The following EXPH5 variants were observed in gnomAD, a reference collection of about 807,000 sequenced individuals.
The protein encoded by EXPH5 is exophilin-5.
Under a neutral mutation model 41.1 loss-of-function variants are expected in EXPH5, and 42 were observed. The observed-to-expected ratio is 1.02, with a 90% CI of 0.80 to 1.32. The LOEUF is 1.32. EXPH5 is among the 40% of genes most tolerant of loss of function. EXPH5 has a pLI of 0.00. For synonymous variants in EXPH5, 798 were observed against 833.5 expected (o/e 0.96, Z 0.73); for missense variants, 2,298 against 2,314.5 (o/e 0.99, Z 0.15).
intron 3 of EXPH5, among the ~76,000 whole-genome samples, chr11:108,534,605 T>C (rs1322614767): frequency 6.6e-6 from 1 of 152,216 alleles, no homozygotes; most frequent in Non-Finnish European, 1.5e-5. Flanking sequence ...TTATTTGTTT[T>C]TCAAAAATTA....
chr11:108,587,492 T>C (rs2094116732), intron 1 of EXPH5, among the ~76,000 whole-genome samples: 1 of 152,170 alleles, frequency 6.6e-6, no homozygotes, highest in Non-Finnish European at 1.5e-5. Context: ...ATCCCTGAAA[T>C]AATCCTTGAC....
rs542108290 is a variant in EXPH5 at position 108,511,194 on chromosome 11, G to A, written c.4313C>T (p.Ser1438Phe). 1 of 1,613,156 alleles carries A rather than the reference G, an allele frequency of 6.2e-7. No individual in the cohort carries two copies. Among genetic ancestry groups the A allele is most frequent in the Admixed American group, 1.7e-5 (1 of 59,764 alleles). ...CTCCCAAGAACTTCTTCTAGTTTGGGAATTTCCAATATTAACTTCTGAAAG... is the reference window on the plus strand; with the variant it reads ...CTCCCAAGAACTTCTTCTAGTTTGGAAATTTCCAATATTAACTTCTGAAAG... Reference protein sequence around the residue: ...PALSEVNIGNSQTRRSSWECT... With the variant: ...PALSEVNIGNFQTRRSSWECT... Residue 1438 changes from serine to phenylalanine, a missense_variant, in exon 6 of 6, where the codon TCC becomes TTC. Physicochemically the swap from Ser to Phe is radical, Grantham distance 155. Transcript: ENST00000265843.
chr11:108,532,339 GATATAT>G (rs761444200), intron 3 of EXPH5, among the ~76,000 whole-genome samples: 51 of 23,438 alleles, frequency 2.2e-3, no homozygotes, highest in African/African-American at 7.1e-3. Flanking sequence ...CACCACACTG[GATATAT>G]ATATATATAT....
At chr11:108,525,839 T>C (rs1467311167) in intron 4 of EXPH5, among the ~76,000 whole-genome samples, 1 of 152,102 alleles carries the variant, frequency 6.6e-6, no homozygotes, top group Non-Finnish European at 1.5e-5. Context: ...TTTTAGATAT[T>C]ACTTTAAAAA....
chr11:108,544,551 C>A (rs1486608916), intron 1 of EXPH5, among the ~76,000 whole-genome samples: 1 of 152,204 alleles, frequency 6.6e-6, no homozygotes, highest in African/African-American at 2.4e-5. Flanking sequence ...TCCACCACTG[C>A]CTGCTTCTTT....
Position 108,511,792 on chromosome 11 carries a change from C to G in EXPH5, c.3715G>C (p.Gly1239Arg), listed in dbSNP as rs749512087. ...VKTTSTFSVS[G>R]DEDNVKCLEV... The stretch of plus-strand genomic sequence containing the variant: ...AGACATTTTACATTATCTTCATCAC[C>G]AGAAACAGAAAACGTACTAGTCGTC... The change falls in exon 6 of 6, where the codon GGT becomes CGT. Residue 1239 changes from glycine (G) to arginine (R), a missense_variant. By Grantham distance (125) the Gly-to-Arg change is moderately radical. Coordinates refer to ENST00000265843, the MANE Select transcript of EXPH5 (RefSeq NM_015065.3). The G allele has an allele frequency of 1.9e-6, 3 of 1,609,668 alleles. No individual in the cohort carries two copies.
chr11:108,584,555 T>C (rs1342842800), intron 1 of EXPH5, among the ~76,000 whole-genome samples: 2 of 151,290 alleles, frequency 1.3e-5, no homozygotes, highest in Non-Finnish European at 2.9e-5. Flanking sequence ...GATACCATAG[T>C]ATTTGTGAAG....
upstream of EXPH5, among the ~76,000 whole-genome samples, chr11:108,598,489 A>G (rs2094141731): frequency 6.6e-6 from 1 of 151,592 alleles, no homozygotes; most frequent in Non-Finnish European, 1.5e-5. Context: ...ATTAGTAAAT[A>G]AATAAAAAGA....
chr11:108,560,771 C>T (rs931349117), intron 1 of EXPH5, among the ~76,000 whole-genome samples: 1 of 152,140 alleles, frequency 6.6e-6, no homozygotes, highest in Non-Finnish European at 1.5e-5. Flanking sequence ...ACGCAAGTGT[C>T]TACTCCAAAT....
At chr11:108,525,682 C>T (rs2093793909) in intron 4 of EXPH5, among the ~76,000 whole-genome samples, 1 of 152,034 alleles carries the variant, frequency 6.6e-6, no homozygotes, top group Admixed American at 6.6e-5. Flanking sequence ...TGCCTGGCTG[C>T]CAACCAAGTG....
chr11:108,511,604 A>G lies in EXPH5; in HGVS notation c.3903T>C (p.Ser1301=). ...NALEKDKQNY[S]TREQSGTPSC... ...AAGGTGTTCCTGACTGCTCTCGTGTAGAATAATTCTGTTTGTCTTTTTCTA... is the reference window on the plus strand; with the variant it reads ...AAGGTGTTCCTGACTGCTCTCGTGTGGAATAATTCTGTTTGTCTTTTTCTA... The change falls in exon 6 of 6, where the codon TCT becomes TCC. Residue 1301 remains serine (S), a synonymous_variant. Transcript: ENST00000265843. 6.2e-7 allele frequency: 1 copy of G among 1,613,026 alleles called. No homozygotes were observed. Among genetic ancestry groups the G allele is most frequent in the Non-Finnish European group, 8.5e-7 (1 of 1,179,766 alleles).
intron 1 of EXPH5, among the ~76,000 whole-genome samples, chr11:108,543,701 G>A (rs1156405247): frequency 6.6e-6 from 1 of 152,166 alleles, no homozygotes; most frequent in Non-Finnish European, 1.5e-5. Context: ...GCTCTTGCTT[G>A]GGGCTATGAT....
rs1386931648 is a variant in EXPH5, at chr11:108,514,214, A to C, written c.1293T>G (p.Ala431=). 6.2e-7 allele frequency: 1 copy of C among 1,614,174 alleles called. No individual in the cohort carries two copies. Among genetic ancestry groups the C allele is most frequent in the Admixed American group, 1.7e-5 (1 of 60,018 alleles). The change falls in exon 6 of 6, where the codon GCT becomes GCG. Residue 431 remains alanine (A), a synonymous_variant. Coordinates refer to ENST00000265843, the MANE Select transcript of EXPH5 (RefSeq NM_015065.3). The part of the protein sequence containing the change: ...QNVYQRVSLN[A]PMENAMSPDT... ...CGGGACTCATTGCATTCTCCATGGG[A>C]GCATTTAAACTAACACGTTGGTAAA...
At chr11:108,594,415 T>C (rs1184814475), upstream of EXPH5, among the ~76,000 whole-genome samples, 2 of 152,214 alleles carry the variant, frequency 1.3e-5, no homozygotes, top group Admixed American at 6.5e-5. Flanking sequence ...GATTTTATTA[T>C]CATCTTAATA....
chr11:108,585,329 C>G (rs1289620379), intron 1 of EXPH5, among the ~76,000 whole-genome samples: 2 of 152,182 alleles, frequency 1.3e-5, no homozygotes, highest in African/African-American at 4.8e-5. Context: ...ATGTTGAGCC[C>G]TACCCCTCAA....
chr11:108,565,190 G>A lies in EXPH5; in HGVS notation c.120-23378C>T, dbSNP rs189930446. On this transcript the variant is annotated intron_variant, in intron 1 of 5. Coordinates refer to ENST00000265843, the MANE Select transcript of EXPH5 (RefSeq NM_015065.3). Reference sequence around the variant, plus strand: ...CAAAGTGCCGGGATTACAAGCATGAGCCACCATGCCTGGCCTGTAGTTTTT... The same window carrying A: ...CAAAGTGCCGGGATTACAAGCATGAACCACCATGCCTGGCCTGTAGTTTTT... Among the ~76,000 whole-genome samples the A allele has an allele frequency of 2.3e-3, 351 of 152,232 alleles. 1 individual carries two copies. Among genetic ancestry groups the A allele is most frequent in the African/African-American group, 7.8e-3 (324 of 41,546 alleles).
At chr11:108,562,656 G>T (rs2136082626) in intron 1 of EXPH5, among the ~76,000 whole-genome samples, 1 of 151,162 alleles carries the variant, frequency 6.6e-6, no homozygotes, top group Admixed American at 6.6e-5. Context: ...CAAAAGACTT[G>T]GAAATTAAAG....
At chr11:108,535,554 G>C (rs2093873797) in intron 3 of EXPH5, among the ~76,000 whole-genome samples, 1 of 152,320 alleles carries the variant, frequency 6.6e-6, no homozygotes, top group South Asian at 2.1e-4. Context: ...CATTTGGAAG[G>C]AGGAGGGAGG....
the EXPH5 span, among the ~76,000 whole-genome samples, chr11:108,604,405 G>A: frequency 6.6e-6 from 1 of 151,834 alleles, no homozygotes; most frequent in Non-Finnish European, 1.5e-5. Flanking sequence ...CAAAAGAAAG[G>A]CGGGGGGTGG....
Sources: allele counts gnomAD v4.1 joint callset (sites outside exome capture counted in the v4.1 genomes callset), GRCh38; gene constraint gnomAD v4.1.1; transcripts MANE v1.5; gene names NCBI Gene and HGNC (gene_info 2026-07-23, HGNC 2026-07-21).